Variants in MEGF10 observed in about 807,000 individuals in gnomAD.
The protein encoded by MEGF10 is multiple EGF like domains 10.
MEGF10 carries 86 observed loss-of-function variants against 147.5 expected under a neutral mutation model. The ratio of observed to expected loss-of-function variants is 0.58; its 90% CI spans 0.49 to 0.70. The LOEUF is 0.70. Ranked by LOEUF, MEGF10 falls within the 30% of genes least tolerant of loss-of-function variation. The probability of loss-of-function intolerance (pLI) is 0.00; values close to 1 mark genes in which losing one functional copy is unlikely to be tolerated. For synonymous variants in MEGF10, 478 were observed against 525.5 expected (o/e 0.91, Z 1.24); for missense variants, 1,329 against 1,487.3 (o/e 0.89, Z 1.75).
intron 8 of MEGF10, among the ~76,000 whole-genome samples, chr5:127,403,686 CAT>C (rs1034675108): frequency 7.2e-5 from 11 of 152,138 alleles, no homozygotes; most frequent in African/African-American, 2.7e-4. Context: ...TAAGTGAGAA[CAT>C]GTGATGTTTG....
chr5:127,426,335 T>C (rs1011049452), intron 13 of MEGF10, among the ~76,000 whole-genome samples: 2 of 152,224 alleles, frequency 1.3e-5, no homozygotes, highest in African/African-American at 4.8e-5. Context: ...TATACTGTTA[T>C]GAAAAGTAAA....
At chr5:127,261,050 C>T in the MEGF10 span, among the ~76,000 whole-genome samples, 1 of 152,118 alleles carries the variant, frequency 6.6e-6, no homozygotes, top group Non-Finnish European at 1.5e-5. Flanking sequence ...GTGCCTCTGC[C>T]TTCCTTCTTC....
At chr5:127,376,384 C>T (rs951346256) in intron 5 of MEGF10, among the ~76,000 whole-genome samples, 1 of 152,126 alleles carries the variant, frequency 6.6e-6, no homozygotes, top group Non-Finnish European at 1.5e-5. Flanking sequence ...GGCAACAAGG[C>T]ACCTGAGAAG....
At chr5:127,419,867 G>A (rs1764922690) in intron 11 of MEGF10, among the ~76,000 whole-genome samples, 177 bp from the exon 12 acceptor site, 1 of 152,098 alleles carries the variant, frequency 6.6e-6, no homozygotes. Context: ...GGTCGTCAGG[G>A]GTGCCTTCTG....
At chr5:127,430,279 A>C (rs1765349434) in intron 13 of MEGF10, among the ~76,000 whole-genome samples, 2 of 152,218 alleles carry the variant, frequency 1.3e-5, no homozygotes, top group Admixed American at 6.5e-5. Context: ...TGACAAACAA[A>C]GAAACAAAAA....
intron 8 of MEGF10, among the ~76,000 whole-genome samples, chr5:127,406,822 G>A (rs1764347038): frequency 6.6e-6 from 1 of 152,140 alleles, no homozygotes; most frequent in Non-Finnish European, 1.5e-5. Flanking sequence ...ATGGTTTCCA[G>A]ATCCTTAAAA....
intron 21 of MEGF10, 59 bp downstream of exon 21, chr5:127,447,743 C>T (rs1766004533): frequency 1.2e-6 from 2 of 1,605,704 alleles, no homozygotes; most frequent in African/African-American, 2.7e-5. Flanking sequence ...AGGGAACCAG[C>T]ATTTATTGAG....
intron 4 of MEGF10, among the ~76,000 whole-genome samples, chr5:127,360,119 A>T (rs1001110710): frequency 6.6e-6 from 1 of 152,066 alleles, no homozygotes; most frequent in East Asian, 1.9e-4. Flanking sequence ...GTGTTCTATA[A>T]ATGTCAAATA....
intron 5 of MEGF10, among the ~76,000 whole-genome samples, chr5:127,387,832 A>G (rs748602720): frequency 2.4e-4 from 36 of 152,324 alleles, no homozygotes; most frequent in Non-Finnish European, 4.3e-4. Context: ...TAGAAACTCA[A>G]TGTATCTTAG....
At chr5:127,309,832 A>G (rs538684805) in intron 1 of MEGF10, among the ~76,000 whole-genome samples, 7 of 151,986 alleles carry the variant, frequency 4.6e-5, no homozygotes, top group African/African-American at 1.2e-4. Flanking sequence ...GCTGCAACAT[A>G]TGGTAATTCC....
chr5:127,390,724 G>A (rs1290626397), intron 5 of MEGF10, among the ~76,000 whole-genome samples: 2 of 152,144 alleles, frequency 1.3e-5, no homozygotes, highest in African/African-American at 4.8e-5. Flanking sequence ...TTCACCAGCT[G>A]CCTATTCCTG....
At chr5:127,450,526 G>A (rs998902583) in intron 22 of MEGF10, among the ~76,000 whole-genome samples, 1 of 152,160 alleles carries the variant, frequency 6.6e-6, no homozygotes, top group African/African-American at 2.4e-5. Flanking sequence ...ACTTACAGGT[G>A]TGCAGTGTCT....
At chr5:127,337,259 C>T (rs555959924) in intron 2 of MEGF10, among the ~76,000 whole-genome samples, 14 of 152,014 alleles carry the variant, frequency 9.2e-5, no homozygotes, top group Non-Finnish European at 1.8e-4. Flanking sequence ...AAGATTGCTT[C>T]AACATTTCAT....
At chr5:127,433,124 A>C (rs1765440815) in intron 13 of MEGF10, among the ~76,000 whole-genome samples, 1 of 152,250 alleles carries the variant, frequency 6.6e-6, no homozygotes, top group South Asian at 2.1e-4. Flanking sequence ...CTGAAGAAGA[A>C]AAATCAATAT....
chr5:127,330,663 A>T (rs989902165), intron 1 of MEGF10, among the ~76,000 whole-genome samples: 2 of 152,202 alleles, frequency 1.3e-5, no homozygotes, highest in African/African-American at 4.8e-5. Context: ...TCTGTTCAGC[A>T]GATGGAGAAA....
In MEGF10 at chr5:127,458,614, T is replaced by A. The variant is rs55857193; in HGVS notation, c.*1296T>A. 828 of 152,288 alleles carry A rather than the reference T, an allele frequency of 5.4e-3. 11 individuals are homozygous for A. The highest frequency in any genetic ancestry group is 0.019 in the African/African-American group (791 of 41,558). The allele number at this position is 152,288 out of a possible 1,614,324, so 9.4% of individuals were successfully genotyped here. A position where few individuals can be genotyped will look rare whatever the true frequency, so the allele number is the denominator to read the frequency against. ...ACAAGATGAAAATATATAATTTGAA[T>A]TGATTAAAATTGGTCGTTACTAAAA... On this transcript the variant is annotated 3_prime_UTR_variant, in exon 25 of 25. Coordinates refer to ENST00000503335, the MANE Select transcript of MEGF10 (RefSeq NM_001256545.2).
the MEGF10 span, among the ~76,000 whole-genome samples, chr5:127,259,592 T>C: frequency 1.1e-4 from 16 of 152,312 alleles, no homozygotes; most frequent in South Asian, 2.5e-3. Flanking sequence ...GTGTGGCTTA[T>C]ACTGCTGTAT....
intron 2 of MEGF10, among the ~76,000 whole-genome samples, chr5:127,337,743 T>G (rs1761523341): frequency 6.6e-6 from 1 of 152,046 alleles, no homozygotes; most frequent in African/African-American, 2.4e-5. Context: ...GAGGGGATCT[T>G]CAACACCATC....
rs765632991 is a variant in MEGF10 at position 127,443,135 on chromosome 5, A to G, written c.2491+9A>G. 6.2e-7 allele frequency: 1 copy of G among 1,610,726 alleles called. No individual in the cohort carries two copies. Among genetic ancestry groups the G allele is most frequent in the African/African-American group, 1.3e-5 (1 of 74,832 alleles). ...AGCGAGATGTGATCAAGGTAAATAT[A>G]CTAGCTAATGTTTGTAGCACTGCAG... is the stretch of plus-strand genomic sequence containing the variant. On this transcript the variant is annotated intron_variant, in intron 19 of 24. Transcript: ENST00000503335.
Sources: gnomAD v4.1 joint callset for allele counts (sites outside exome capture counted in the v4.1 genomes callset) on GRCh38, gnomAD v4.1.1 for gene constraint, MANE v1.5 for transcripts, NCBI Gene and HGNC (gene_info 2026-07-23, HGNC 2026-07-21) for gene names.